Variants in QSER1 observed in about 807,000 individuals in gnomAD.
QSER1 encodes glutamine and serine rich 1.
Under a neutral mutation model 158.5 loss-of-function variants are expected in QSER1, and 49 were observed. The ratio of observed to expected loss-of-function variants is 0.31; its 90% confidence interval spans 0.25 to 0.39. The LOEUF is 0.39. Among genes scored for constraint, QSER1 ranks in the 10% least tolerant of loss-of-function variants. QSER1 has a pLI of 1.00. For synonymous variants in QSER1, 650 were observed against 715.5 expected, an observed-to-expected ratio of 0.91 and a Z score of 1.46; for missense variants, 1,754 against 2,010.3, an observed-to-expected ratio of 0.87 and a Z score of 2.44.
In QSER1 at chr11:32,933,147, A is replaced by C. The variant is rs200945717; in HGVS notation, c.1889A>C (p.Asn630Thr). Residue 630 changes from asparagine (N) to threonine (T), a missense_variant, in exon 4 of 13, where the codon AAT becomes ACT. Physicochemically the swap from Asn to Thr is moderately conservative, Grantham distance 65. Around this residue, in one of 2 missense-constraint regions of QSER1, gnomAD observed 1,707 missense variants for 1,919.6 expected, o/e 0.89. Transcript: ENST00000650167. ...QNYISMHSSQNVQTQESSSPQ... is the reference protein window; with the variant it reads ...QNYISMHSSQTVQTQESSSPQ... ...TATATTTCTATGCATTCTTCCCAAAATGTTCAGACTCAAGAGTCATCATCT... is the reference window on the plus strand; with the variant it reads ...TATATTTCTATGCATTCTTCCCAAACTGTTCAGACTCAAGAGTCATCATCT... 12,261 of 1,613,290 alleles carry C rather than the reference A, an allele frequency of 7.6e-3. 92 individuals are homozygous for C. Among genetic ancestry groups the C allele is most frequent in the South Asian group, 0.015 (1,328 of 90,928 alleles).
chr11:32,941,389 C>T (rs930375046), intron 4 of QSER1, among the ~76,000 whole-genome samples: 1 of 126,250 alleles, frequency 7.9e-6, no homozygotes, highest in Non-Finnish European at 1.7e-5. Context: ...CCCCCTCCAC[C>T]CCCCACAACA....
At chr11:32,957,142 TTTTTTTTTC>T (rs1298088522) in intron 7 of QSER1, among the ~76,000 whole-genome samples, 18 of 144,714 alleles carry the variant, frequency 1.2e-4, no homozygotes, top group East Asian at 7.9e-4. Context: ...TTCTTTTTTT[TTTTTTTTTC>T]TTTTTTTTGA....
Position 32,934,691 on chromosome 11 carries a change from G to A in QSER1, c.3433G>A (p.Gly1145Arg), listed in dbSNP as rs777414909. ...TGTTTCTAGTAGTAGAAGTATAAGTGGAGAGAATGCTACATCAGAGAGTGA... is the reference window on the plus strand; with the variant it reads ...TGTTTCTAGTAGTAGAAGTATAAGTAGAGAGAATGCTACATCAGAGAGTGA... Reference protein sequence around the residue: ...EFVSSSRSISGENATSESEFT... With the variant: ...EFVSSSRSISRENATSESEFT... Residue 1145 changes from glycine to arginine, a missense_variant, in exon 4 of 13, where the codon GGA becomes AGA. Around this residue, in one of 2 missense-constraint regions of QSER1, gnomAD observed 1,707 missense variants for 1,919.6 expected, o/e 0.89. Transcript: ENST00000650167. 2 of 1,613,694 alleles carry A rather than the reference G, an allele frequency of 1.2e-6. No individual in the cohort carries two copies. Among genetic ancestry groups the A allele is most frequent in the Non-Finnish European group, 1.7e-6 (2 of 1,179,886 alleles).
rs57185302 is a variant in QSER1, at chr11:32,922,479, A to ATT, written c.210-4656_210-4655dup. On this transcript the variant is annotated intron_variant, in intron 1 of 12. Coordinates refer to ENST00000650167, the MANE Select transcript of QSER1 (RefSeq NM_001076786.3). ...TATTGTACATCAATTAGAATGGCTA[A>ATT]TTTTTTTTTTTTTTTTTTTTTTTGA... Among the ~76,000 whole-genome samples, 814 of 97,126 alleles carry ATT rather than the reference A, an allele frequency of 8.4e-3. 24 individuals carry two copies. Among genetic ancestry groups the ATT allele is most frequent in the African/African-American group, 0.028 (724 of 26,316 alleles). 63.7% of individuals were successfully genotyped at this position (97,126 alleles called of 152,430 possible).
At chr11:32,943,375 A>C (rs1291897982) in intron 4 of QSER1, among the ~76,000 whole-genome samples, 1 of 151,098 alleles carries the variant, frequency 6.6e-6, no homozygotes, top group African/African-American at 2.4e-5. Flanking sequence ...TGGGTTTGTC[A>C]TAGATAGCTC....
At chr11:32,906,104 GTTTTTTTTTTT>G (rs374193235) in intron 1 of QSER1, among the ~76,000 whole-genome samples, 1 of 118,442 alleles carries the variant, frequency 8.4e-6, no homozygotes, top group African/African-American at 3.1e-5. Context: ...CTATTTTTTA[GTTTTTTTTTTT>G]TTTTTTTTTA....
Position 32,946,352 on chromosome 11 carries a change from C to G in QSER1, c.4178-7505C>G, listed in dbSNP as rs558308108. On this transcript the variant is annotated intron_variant, in intron 4 of 12. Transcript: ENST00000650167. ...TTCCAGTTTTTCTGTTCTGCTTTTTCCCCATCTTTGTGGTTTTATCTACTT... is the reference window on the plus strand; with the variant it reads ...TTCCAGTTTTTCTGTTCTGCTTTTTGCCCATCTTTGTGGTTTTATCTACTT... Among the ~76,000 whole-genome samples, 629 of 152,172 alleles carry G rather than the reference C, an allele frequency of 4.1e-3. 3 individuals are homozygous for G. Among genetic ancestry groups the G allele is most frequent in the African/African-American group, 0.014 (574 of 41,512 alleles).
intron 4 of QSER1, among the ~76,000 whole-genome samples, chr11:32,940,604 A>G (rs994760217): frequency 6.6e-6 from 1 of 152,198 alleles, no homozygotes; most frequent in African/African-American, 2.4e-5. Flanking sequence ...TTCTAAGAAT[A>G]GATCTAACTA....
chr11:32,896,491 C>T (rs563072850), intron 1 of QSER1, among the ~76,000 whole-genome samples: 1 of 152,238 alleles, frequency 6.6e-6, no homozygotes, highest in South Asian at 2.1e-4. Flanking sequence ...AGTAGCTAAC[C>T]ACACCTGGCT....
intron 1 of QSER1, among the ~76,000 whole-genome samples, chr11:32,913,254 G>A (rs775300959): frequency 3.6e-4 from 49 of 136,700 alleles, no homozygotes; most frequent in Admixed American, 8.8e-4. Context: ...GCCGTGGCGC[G>A]ATCTCGGCTC....
chr11:32,923,244 A>G (rs111295704), intron 1 of QSER1, among the ~76,000 whole-genome samples: 2,654 of 152,330 alleles, frequency 0.017, 74 homozygotes, highest in African/African-American at 0.06. Context: ...GGAAAAGGCA[A>G]AATCACAGAA....
At chr11:32,964,295 A>C (rs767001737) in intron 8 of QSER1, among the ~76,000 whole-genome samples, 1 of 152,174 alleles carries the variant, frequency 6.6e-6, no homozygotes, top group Non-Finnish European at 1.5e-5. Flanking sequence ...TTCCTAAGTG[A>C]AACTTTTTCC....
intron 1 of QSER1, among the ~76,000 whole-genome samples, chr11:32,902,397 T>C (rs540975822): frequency 3.0e-4 from 45 of 152,324 alleles, no homozygotes; most frequent in Non-Finnish European, 4.4e-4. Context: ...AGAATTTGCA[T>C]TTCTAACAAG....
At chr11:32,901,207 A>G (rs142033230) in intron 1 of QSER1, among the ~76,000 whole-genome samples, 1 of 152,344 alleles carries the variant, frequency 6.6e-6, no homozygotes, top group East Asian at 1.9e-4. Context: ...TGAAGATTAA[A>G]TGGAAAAACT....
At chr11:32,959,685 C>T (rs1373646259) in intron 8 of QSER1, among the ~76,000 whole-genome samples, 1 of 152,164 alleles carries the variant, frequency 6.6e-6, no homozygotes, top group African/African-American at 2.4e-5. Context: ...GAGAGATTAT[C>T]TTAGAAATTA....
chr11:32,900,219 C>T (rs538068524), intron 1 of QSER1, among the ~76,000 whole-genome samples: 4 of 152,172 alleles, frequency 2.6e-5, no homozygotes, highest in Admixed American at 6.5e-5. Context: ...AAGTATAGGT[C>T]AGGTAATGTC....
intron 4 of QSER1, among the ~76,000 whole-genome samples, chr11:32,948,637 AC>A (rs1194460189): frequency 4.8e-4 from 73 of 152,326 alleles, no homozygotes; most frequent in African/African-American, 1.6e-3. Flanking sequence ...TCTTAAAAAA[AC>A]AAAACAAAAC....
intron 7 of QSER1, 150 bp from the exon 8 acceptor site, chr11:32,957,719 G>C (rs1301628535): frequency 1.6e-6 from 1 of 636,182 alleles, no homozygotes; most frequent in Non-Finnish European, 2.7e-6. Context: ...AATCACCATT[G>C]AGATGTATAT....
rs368685364 is a variant in QSER1 at position 32,954,136 on chromosome 11, G to A, written c.4457G>A (p.Arg1486His). 39 of 1,613,744 alleles carry A rather than the reference G, an allele frequency of 2.4e-5. No homozygotes were observed. The highest frequency in any genetic ancestry group is 3.1e-5 in the Non-Finnish European group (37 of 1,179,976). Residue 1486 changes from arginine to histidine, a missense_variant, in exon 5 of 13, where the codon CGT becomes CAT. Transcript: ENST00000650167. ...ESGGEGQYRE[R>H]DEFVVKIEDI... ...GGAGGAGAAGGCCAATACAGAGAGC[G>A]TGATGAATTTGTGGTAAAGATAGAA...
Sources: gnomAD v4.1 joint callset for allele counts (sites outside exome capture counted in the v4.1 genomes callset) on GRCh38, gnomAD v4.1.1 for gene constraint, gnomAD v4.1.1 regional missense constraint, MANE v1.5 for transcripts, NCBI Gene and HGNC (gene_info 2026-07-23, HGNC 2026-07-21) for gene names.